TNIK: variants seen among roughly 807,000 people sequenced by gnomAD.
TNIK encodes the protein TRAF2 and NCK-interacting protein kinase.
Under a neutral mutation model 191.3 loss-of-function variants are expected in TNIK, and 49 were observed. That is an observed-to-expected ratio of 0.26 (90% confidence interval 0.20 to 0.32). The LOEUF is 0.32. Ranked by LOEUF, TNIK falls within the 10% of genes least tolerant of loss-of-function variation. The pLI, the probability that TNIK is intolerant of heterozygous loss-of-function variation, is 1.00. For synonymous variants in TNIK, 594 were observed against 600.9 expected, an observed-to-expected ratio of 0.99 and a Z score of 0.17; for missense variants, 1,155 against 1,702.3, an observed-to-expected ratio of 0.68 and a Z score of 5.66.
rs74320157 is a variant in TNIK, at chr3:171,356,252, C to T, written c.123+13368G>A. On this transcript the variant is annotated intron_variant, in intron 2 of 32. Transcript: ENST00000436636. ...TTAAGAAGTCTAGAAATTTCTTCCT[C>T]CTTTCTGAGAAACGAGGCAACCAAC... Among the ~76,000 whole-genome samples the T allele has an allele frequency of 6.3e-3, 961 of 152,240 alleles. 7 individuals carry two copies. Among genetic ancestry groups the T allele is most frequent in the African/African-American group, 0.022 (921 of 41,540 alleles).
At chr3:171,133,338 G>C (rs543657281) in intron 15 of TNIK, among the ~76,000 whole-genome samples, 1 of 152,358 alleles carries the variant, frequency 6.6e-6, no homozygotes, top group African/African-American at 2.4e-5. Context: ...GGTGGGTGAA[G>C]AGATAGGCGA....
At chr3:171,264,321 G>A (rs1478918622) in intron 2 of TNIK, among the ~76,000 whole-genome samples, 1 of 148,052 alleles carries the variant, frequency 6.8e-6, no homozygotes, top group South Asian at 2.1e-4. Flanking sequence ...GTACCAAATT[G>A]TATACACGTA....
chr3:171,302,715 T>C (rs1396681374), intron 2 of TNIK, among the ~76,000 whole-genome samples: 19 of 152,364 alleles, frequency 1.2e-4, no homozygotes. Flanking sequence ...AATAATGTTT[T>C]AGTATCTAAA....
intron 1 of TNIK, among the ~76,000 whole-genome samples, chr3:171,380,720 A>T (rs922350071): frequency 2.0e-5 from 3 of 152,244 alleles, no homozygotes; most frequent in African/African-American, 7.2e-5. Flanking sequence ...TTGCAGAGGG[A>T]ACCTCTGATG....
At chr3:171,219,718 C>T (rs772471630) in intron 3 of TNIK, among the ~76,000 whole-genome samples, 6 of 152,132 alleles carry the variant, frequency 3.9e-5, no homozygotes, top group South Asian at 4.2e-4. Context: ...GTTAGCATGA[C>T]GATCATTAAA....
intron 1 of TNIK, among the ~76,000 whole-genome samples, chr3:171,424,369 T>G (rs1158503296): frequency 6.6e-6 from 1 of 152,188 alleles, no homozygotes; most frequent in Non-Finnish European, 1.5e-5. Flanking sequence ...ATAGGAACAC[T>G]TTTACACTGT....
intron 15 of TNIK, among the ~76,000 whole-genome samples, chr3:171,135,900 T>A (rs1261962977): frequency 6.6e-6 from 1 of 152,144 alleles, no homozygotes; most frequent in Non-Finnish European, 1.5e-5. Flanking sequence ...GAATGCCATG[T>A]CTCCTGAAAG....
chr3:171,228,171 G>A lies in TNIK; in HGVS notation c.174C>T (p.Val58=). The A allele has an allele frequency of 6.2e-7, 1 of 1,613,604 alleles. No individual in the cohort carries two copies. ...GCAAAATAAAGACACTTACCCCTGT[G>A]ACATCCATAACCTTGATGGCTGCAA... ...GQLAAIKVMD[V]TGDEEEEIKQ... Residue 58 remains valine (V), a synonymous_variant, in exon 3 of 33, where the codon GTC becomes GTT. Coordinates refer to ENST00000436636, the MANE Select transcript of TNIK (RefSeq NM_015028.4).
At chr3:171,086,834 T>G (rs1560090089) in intron 24 of TNIK, among the ~76,000 whole-genome samples, 1 of 152,250 alleles carries the variant, frequency 6.6e-6, no homozygotes, top group Non-Finnish European at 1.5e-5. Flanking sequence ...ATGCTTGGTT[T>G]CTTTCTTCTC....
At chr3:171,080,342 C>A (rs1171538184) in intron 27 of TNIK, among the ~76,000 whole-genome samples, 1 of 152,134 alleles carries the variant, frequency 6.6e-6, no homozygotes, top group African/African-American at 2.4e-5. Flanking sequence ...TGGGATGACT[C>A]TTCCTAACTA....
chr3:171,090,178 A>T (rs1721876693), intron 23 of TNIK, among the ~76,000 whole-genome samples: 1 of 152,166 alleles, frequency 6.6e-6, no homozygotes, highest in Non-Finnish European at 1.5e-5. Flanking sequence ...GAGAGAGAAG[A>T]GCAAAGGAGA....
intron 2 of TNIK, among the ~76,000 whole-genome samples, chr3:171,235,420 T>G (rs1470236922): frequency 6.6e-6 from 1 of 152,148 alleles, no homozygotes; most frequent in Admixed American, 6.5e-5. Context: ...GGCGACAAAG[T>G]ATGTACATGC....
chr3:171,282,346 T>TTG (rs1553878338), intron 2 of TNIK, among the ~76,000 whole-genome samples: 2 of 143,210 alleles, frequency 1.4e-5, no homozygotes, highest in African/African-American at 2.6e-5. Context: ...TTTTTGTTTT[T>TTG]TTTTTTTTTT....
chr3:171,086,434 G>T (rs183313497), intron 24 of TNIK, among the ~76,000 whole-genome samples: 1 of 152,120 alleles, frequency 6.6e-6, no homozygotes, highest in East Asian at 1.9e-4. Flanking sequence ...TTTGAACCAG[G>T]GTTCAATCTT....
chr3:171,195,521 C>A (rs1432060566), intron 4 of TNIK, among the ~76,000 whole-genome samples: 2 of 152,254 alleles, frequency 1.3e-5, no homozygotes, highest in African/African-American at 2.4e-5. Context: ...CACAATAAAA[C>A]CACATTGATG....
chr3:171,067,502 C>T (rs1718600143), intron 30 of TNIK, among the ~76,000 whole-genome samples: 1 of 151,800 alleles, frequency 6.6e-6, no homozygotes, highest in South Asian at 2.1e-4. Flanking sequence ...AACCCCGTCT[C>T]TACTAAAAAT....
At chr3:171,223,024 A>T (rs1470519313) in intron 3 of TNIK, among the ~76,000 whole-genome samples, 1 of 152,218 alleles carries the variant, frequency 6.6e-6, no homozygotes, top group Non-Finnish European at 1.5e-5. Flanking sequence ...GAGAAAACTA[A>T]AAATTAAAAA....
chr3:171,244,222 G>T (rs1172431360), intron 2 of TNIK, among the ~76,000 whole-genome samples: 1 of 151,898 alleles, frequency 6.6e-6, no homozygotes, highest in Middle Eastern at 3.4e-3. Context: ...CCGCCACCAC[G>T]CCCGGCTAAT....
intron 2 of TNIK, among the ~76,000 whole-genome samples, chr3:171,293,289 CTCCACGCCTACAAG>C (rs1751894821): frequency 1.3e-5 from 2 of 152,120 alleles, no homozygotes; most frequent in African/African-American, 4.8e-5. Flanking sequence ...TCTCATTTTA[CTCCACGCCTACAAG>C]ATTCACAATG....
Sources: gnomAD v4.1 joint callset for allele counts (sites outside exome capture counted in the v4.1 genomes callset) on GRCh38, gnomAD v4.1.1 for gene constraint, MANE v1.5 for transcripts, NCBI Gene and HGNC (gene_info 2026-07-23, HGNC 2026-07-21) for gene names.